ZNF560: variants seen among roughly 807,000 people sequenced by gnomAD.
ZNF560 encodes the protein zinc finger protein 560.
Under a neutral mutation model 81.8 loss-of-function variants are expected in ZNF560, and 54 were observed. The ratio of observed to expected loss-of-function variants is 0.66; its 90% CI spans 0.53 to 0.83. The LOEUF (loss-of-function observed/expected upper bound fraction) is 0.83, where lower values mean the gene tolerates loss of function less well. Ranked by LOEUF, ZNF560 falls within the 40% of genes least tolerant of loss-of-function variation. ZNF560 has a pLI of 0.00. For missense variants in ZNF560, 940 were observed against 932.4 expected (o/e 1.01, Z -0.11); for synonymous variants, 321 against 317.9 (o/e 1.01, Z -0.10).
At chr19:9,449,734 C>T in the ZNF560 span, among the ~76,000 whole-genome samples, 56 of 151,418 alleles carry the variant, frequency 3.7e-4, 1 homozygote, top group African/African-American at 1.3e-3. Context: ...TTTGGAAAGT[C>T]AAGGTGGGTG....
chr19:9,497,973 A>G (rs1320516625), intron 2 of ZNF560, among the ~76,000 whole-genome samples, 155 bp downstream of exon 2: 1 of 152,202 alleles, frequency 6.6e-6, no homozygotes, highest in African/African-American at 2.4e-5. Flanking sequence ...CACACCCTAG[A>G]CAACTAAGAA....
At chr19:9,461,058 C>T in the ZNF560 span, among the ~76,000 whole-genome samples, 7 of 150,760 alleles carry the variant, frequency 4.6e-5, no homozygotes, top group African/African-American at 7.5e-5. Context: ...TGATATGGCC[C>T]GCTGTAGGAG....
At chr19:9,469,550 G>A (rs746535802) in intron 8 of ZNF560, 80 bp downstream of exon 8, 7 of 1,263,586 alleles carry the variant, frequency 5.5e-6, no homozygotes, top group Admixed American at 5.1e-5. Flanking sequence ...GATTCAAAGG[G>A]CATCTTATAA....
In ZNF560 at chr19:9,466,982, G is replaced by C. The variant is rs192342340; in HGVS notation, c.1965C>G (p.Pro655=). 2 of 1,613,910 alleles carry C rather than the reference G, an allele frequency of 1.2e-6. No individual in the cohort carries two copies. Among genetic ancestry groups the C allele is most frequent in the African/African-American group, 2.7e-5 (2 of 74,900 alleles). The change falls in exon 10 of 10, where the codon CCC becomes CCG. Residue 655 remains proline, a synonymous_variant. Coordinates refer to ENST00000301480, the MANE Select transcript of ZNF560 (RefSeq NM_152476.3). ...CTTTTTCACATGCATTACATTTATA[G>C]GGTTTATATCCAGTGTGAGTTCTTA... ...DHLRTHTGYK[P]YKCNACEKAY...
chr19:9,466,323 G>A (rs923302711), downstream of ZNF560, among the ~76,000 whole-genome samples: 13 of 150,540 alleles, frequency 8.6e-5, no homozygotes, highest in African/African-American at 3.2e-4. Context: ...TCCAGCCTAG[G>A]TGACAGAGTG....
At chr19:9,466,144 A>G (rs1024557149), downstream of ZNF560, among the ~76,000 whole-genome samples, 1 of 152,144 alleles carries the variant, frequency 6.6e-6, no homozygotes, top group African/African-American at 2.4e-5. Context: ...CAGGAGTTTG[A>G]GACTAGCTTG....
chr19:9,460,937 C>A, the ZNF560 span, among the ~76,000 whole-genome samples: 1 of 152,166 alleles, frequency 6.6e-6, no homozygotes, highest in South Asian at 2.1e-4. Flanking sequence ...GATGGCCACA[C>A]TATGTTCAGC....
chr19:9,447,873 C>T, the ZNF560 span, among the ~76,000 whole-genome samples: 1 of 152,108 alleles, frequency 6.6e-6, no homozygotes, highest in Non-Finnish European at 1.5e-5. Context: ...CAACACCTGC[C>T]AGATACTACA....
At chr19:9,489,288 C>T (rs922965140) in intron 2 of ZNF560, among the ~76,000 whole-genome samples, 21 of 145,474 alleles carry the variant, frequency 1.4e-4, no homozygotes, top group Admixed American at 6.8e-4. Context: ...GACAGTGCGG[C>T]GGCCGGTTAG....
At chr19:9,497,901 T>G (rs1037670106) in intron 2 of ZNF560, among the ~76,000 whole-genome samples, 1 of 152,174 alleles carries the variant, frequency 6.6e-6, no homozygotes, top group Non-Finnish European at 1.5e-5. Context: ...TGAGTATTCT[T>G]AGGTTTCTTT....
At position 9,471,372 on chromosome 19, in the gene ZNF560, GC is replaced by G; in HGVS notation, c.244del (p.Ala82GlnfsTer2). The G allele has an allele frequency of 6.4e-7, 1 of 1,564,830 alleles. No homozygotes were observed. Among genetic ancestry groups the G allele is most frequent in the South Asian group, 1.2e-5 (1 of 81,472 alleles). ...TGAAACACTGGTTTGATGTTTTATT[GC>G]CCAGTCTGAAACAAAAACATAAACT... ...TLQQGVLQDW[A>X]IKHQTSVSAL... On this transcript the variant is annotated frameshift_variant, in exon 6 of 10. Coordinates refer to ENST00000301480, the MANE Select transcript of ZNF560 (RefSeq NM_152476.3). LOFTEE classifies it high-confidence loss of function.
At chr19:9,475,160 C>T in intron 3 of ZNF560, 124 bp downstream of exon 3, 2 of 956,442 alleles carry the variant, frequency 2.1e-6, no homozygotes, top group Admixed American at 2.3e-5. Flanking sequence ...CAACAAGTGA[C>T]TCAGTGCTTG....
At chr19:9,501,433 A>G (rs1483194241), upstream of ZNF560, among the ~76,000 whole-genome samples, 1 of 147,406 alleles carries the variant, frequency 6.8e-6, no homozygotes, top group African/African-American at 2.5e-5. Context: ...ATCTCGGCTC[A>G]CCACAACCTC....
intron 2 of ZNF560, among the ~76,000 whole-genome samples, chr19:9,494,731 C>T (rs1172608707): frequency 1.3e-5 from 2 of 151,534 alleles, no homozygotes; most frequent in South Asian, 2.1e-4. Flanking sequence ...AGCAAAACTC[C>T]GTCTCAAAAC....
chr19:9,502,173 A>G (rs1246291430), upstream of ZNF560, among the ~76,000 whole-genome samples: 1 of 151,724 alleles, frequency 6.6e-6, no homozygotes, highest in African/African-American at 2.4e-5. Flanking sequence ...AAAAAGAAAA[A>G]AAAAAGTGTT....
At chr19:9,473,354 G>A in intron 4 of ZNF560, 95 bp from the exon 5 acceptor site, 1 of 857,804 alleles carries the variant, frequency 1.2e-6, no homozygotes, top group Non-Finnish European at 1.8e-6. Flanking sequence ...GCTGAAGTGG[G>A]TGGATTACCT....
At chr19:9,470,559 C>T in intron 6 of ZNF560, 41 bp from the exon 7 acceptor site, 1 of 1,614,100 alleles carries the variant, frequency 6.2e-7, no homozygotes, top group Non-Finnish European at 8.5e-7. Context: ...CAAGCAACAT[C>T]TCCACCAATG....
chr19:9,450,149 G>A, the ZNF560 span, among the ~76,000 whole-genome samples: 1 of 151,418 alleles, frequency 6.6e-6, no homozygotes, highest in South Asian at 2.1e-4. Flanking sequence ...AAATTAGCTG[G>A]ACGCAGTGGC....
the ZNF560 span, among the ~76,000 whole-genome samples, chr19:9,454,131 A>G: frequency 6.6e-6 from 1 of 152,232 alleles, no homozygotes; most frequent in African/African-American, 2.4e-5. Flanking sequence ...CCTTAAGGAC[A>G]TGTTCCTGCT....
Sources: allele counts gnomAD v4.1 joint callset (sites outside exome capture counted in the v4.1 genomes callset), GRCh38; gene constraint gnomAD v4.1.1; transcripts MANE v1.5; gene names NCBI Gene and HGNC (gene_info 2026-07-23, HGNC 2026-07-21).